DGCR2: variants seen among roughly 807,000 people sequenced by gnomAD.
DGCR2 encodes the protein integral membrane protein DGCR2/IDD.
DGCR2 carries 24 observed loss-of-function variants against 51.6 expected under a neutral mutation model. The observed-to-expected ratio is 0.47, with a 90% CI of 0.34 to 0.65. DGCR2 has a LOEUF of 0.65. Among genes scored for constraint, DGCR2 ranks in the 30% least tolerant of loss-of-function variants. DGCR2 has a pLI of 0.01. For synonymous variants in DGCR2, 340 were observed against 315.4 expected (o/e 1.08, Z -0.82); for missense variants, 765 against 772.1 (o/e 0.99, Z 0.11).
chr22:19,074,087 T>C (rs976596090), intron 2 of DGCR2, among the ~76,000 whole-genome samples: 3 of 152,172 alleles, frequency 2.0e-5, no homozygotes, highest in Admixed American at 2.0e-4. Flanking sequence ...TATATGAATC[T>C]ACAGGATTCA....
At chr22:19,061,292 CT>C (rs2082660558) in intron 5 of DGCR2, 1 of 153,266 alleles carries the variant, frequency 6.5e-6, no homozygotes, top group Non-Finnish European at 1.5e-5. Flanking sequence ...CTGCAGCTTG[CT>C]TTTGGTACAG....
chr22:19,074,562 ATC>A (rs2145985240), intron 2 of DGCR2, among the ~76,000 whole-genome samples: 1 of 152,312 alleles, frequency 6.6e-6, no homozygotes, highest in Admixed American at 6.5e-5. Context: ...TTAGGGAAGA[ATC>A]AGCAGAGAAT....
At chr22:19,051,709 G>A (rs2082550585) in intron 6 of DGCR2, among the ~76,000 whole-genome samples, 1 of 152,214 alleles carries the variant, frequency 6.6e-6, no homozygotes, top group Admixed American at 6.5e-5. Flanking sequence ...CTGGGTGACA[G>A]AGCAAGACCC....
chr22:19,069,617 T>C lies in DGCR2; in HGVS notation c.203-1392A>G, dbSNP rs531375847. ...ATAAACAGCTTTCTATATTTTTAAA[T>C]GGGCTTAGGAACATGACTTTTGATG... On this transcript the variant is annotated intron_variant, in intron 2 of 9. Transcript: ENST00000263196. 6.6e-5 allele frequency among the ~76,000 whole-genome samples: 10 copies of C among 152,356 alleles called. No individual in the cohort carries two copies. In the East Asian group the frequency reaches 1.9e-3, roughly 29 times the overall value.
At chr22:19,095,511 A>T (rs1197410487) in intron 1 of DGCR2, among the ~76,000 whole-genome samples, 1 of 151,832 alleles carries the variant, frequency 6.6e-6, no homozygotes, top group African/African-American at 2.4e-5. Context: ...AATACAAAAA[A>T]TTAGCCGGGC....
rs775512461 is a variant in DGCR2, at chr22:19,041,153, G to A, written c.1301C>T (p.Thr434Met). 4.3e-6 allele frequency: 7 copies of A among 1,614,110 alleles called. No individual in the cohort carries two copies. The East Asian group carries it at 6.7e-5, about 15-fold the overall frequency. The change falls in exon 9 of 10, where the codon ACG becomes ATG. Residue 434 changes from threonine to methionine, a missense_variant. Physicochemically the swap from Thr to Met is moderately conservative, Grantham distance 81. Around this residue, in one of 3 missense-constraint regions of DGCR2, gnomAD observed 205 missense variants for 181.4 expected, o/e 1.13. Coordinates refer to ENST00000263196, the MANE Select transcript of DGCR2 (RefSeq NM_005137.3). Reference protein sequence around the residue: ...FHFHDPPPPYTAYKYPDIGQP... With the variant: ...FHFHDPPPPYMAYKYPDIGQP... ...GCCGATGTCCGGGTACTTGTATGCC[G>A]TGTAGGGAGGTGGAGGGTCGTGGAA...
intron 1 of DGCR2, among the ~76,000 whole-genome samples, chr22:19,094,697 T>C (rs1435912155): frequency 1.3e-5 from 2 of 152,268 alleles, no homozygotes; most frequent in East Asian, 1.9e-4. Context: ...TTGTTCATAG[T>C]ACTTTTATTT....
intron 6 of DGCR2, among the ~76,000 whole-genome samples, chr22:19,054,587 A>G (rs1052696074): frequency 1.3e-5 from 2 of 152,170 alleles, no homozygotes; most frequent in African/African-American, 4.8e-5. Context: ...CTAATATAGT[A>G]TAATACAGAA....
At chr22:19,104,336 C>A (rs940202922) in intron 1 of DGCR2, among the ~76,000 whole-genome samples, 11 of 152,044 alleles carry the variant, frequency 7.2e-5, no homozygotes, top group African/African-American at 2.7e-4. Context: ...CAAATTCTTT[C>A]TCTAGATTCA....
chr22:19,051,653 G>T (rs937753441), intron 6 of DGCR2, among the ~76,000 whole-genome samples: 1 of 152,188 alleles, frequency 6.6e-6, no homozygotes, highest in Non-Finnish European at 1.5e-5. Context: ...CTGAGCCCGG[G>T]AGCTGGAGGT....
At chr22:19,111,891 C>T (rs918582915) in intron 1 of DGCR2, among the ~76,000 whole-genome samples, 4 of 145,216 alleles carry the variant, frequency 2.8e-5, no homozygotes, top group African/African-American at 1.0e-4. Context: ...GAAACTGAAA[C>T]TTAAAAAGTG....
intron 1 of DGCR2, among the ~76,000 whole-genome samples, chr22:19,101,254 A>T (rs2083198664): frequency 6.6e-6 from 1 of 152,236 alleles, no homozygotes; most frequent in African/African-American, 2.4e-5. Context: ...ACTCAAACAG[A>T]TGCTGGCACA....
rs887540907 is a variant in DGCR2, at chr22:19,038,733, G to A, written c.*132C>T. ...CGGGCTGTGGTCTCTATGTACACACGCGAGCCCGCCAGTGACGTGCGGCAG... is the reference window on the plus strand; with the variant it reads ...CGGGCTGTGGTCTCTATGTACACACACGAGCCCGCCAGTGACGTGCGGCAG... On this transcript the variant is annotated 3_prime_UTR_variant, in exon 10 of 10. Transcript: ENST00000263196. 1.3e-5 allele frequency: 17 copies of A among 1,276,354 alleles called. No homozygotes were observed. The highest frequency in any genetic ancestry group is 9.4e-5 in the Admixed American group (4 of 42,658). The allele number at this position is 1,276,354 out of a possible 1,614,324, so 79.1% of individuals were successfully genotyped here. A position where few individuals can be genotyped will look rare whatever the true frequency, so the allele number is the denominator to read the frequency against.
Position 19,122,159 on chromosome 22 carries a change from G to A in DGCR2, c.48C>T (p.Leu16=). The change falls in exon 1 of 10, where the codon CTC becomes CTT. Residue 16 remains leucine, a synonymous_variant. Coordinates refer to ENST00000263196, the MANE Select transcript of DGCR2 (RefSeq NM_005137.3). The part of the protein sequence containing the change: ...DSGAFLLLFL[L]VLTVTEPLRP... ...GCAGCGGCTCGGTGACAGTGAGCAC[G>A]AGCAGGAAGAGCAGCAGGAAGGCGC... is the stretch of plus-strand genomic sequence containing the variant. 3 of 1,510,670 alleles carry A rather than the reference G, an allele frequency of 2.0e-6. No homozygotes were observed. Among genetic ancestry groups the A allele is most frequent in the East Asian group, 5.8e-5 (2 of 34,572 alleles). The allele number at this position is 1,510,670 out of a possible 1,614,324, so 93.6% of individuals were successfully genotyped here.
chr22:19,082,971 T>C (rs1377282762), intron 2 of DGCR2, among the ~76,000 whole-genome samples: 1 of 150,238 alleles, frequency 6.7e-6, no homozygotes, highest in Non-Finnish European at 1.5e-5. Context: ...CTTGTAGTCC[T>C]AGCTACTCCG....
chr22:19,051,270 T>C (rs1163039526), intron 6 of DGCR2, among the ~76,000 whole-genome samples: 1 of 151,650 alleles, frequency 6.6e-6, no homozygotes, highest in South Asian at 2.1e-4. Context: ...ACTTTTGTTC[T>C]TTGGGTAAAC....
At chr22:19,053,575 G>T (rs1178237818) in intron 6 of DGCR2, among the ~76,000 whole-genome samples, 6 of 152,106 alleles carry the variant, frequency 3.9e-5, no homozygotes, top group South Asian at 2.1e-4. Context: ...CACAAGAAAG[G>T]CCTAGTGGAA....
chr22:19,082,268 G>A (rs982505855), intron 2 of DGCR2, among the ~76,000 whole-genome samples: 17 of 123,528 alleles, frequency 1.4e-4, no homozygotes, highest in Admixed American at 1.3e-3. Context: ...ATTTCACCAC[G>A]TTGCCCTGGC....
At chr22:19,077,010 C>T (rs764610860) in intron 2 of DGCR2, among the ~76,000 whole-genome samples, 1 of 151,550 alleles carries the variant, frequency 6.6e-6, no homozygotes, top group Non-Finnish European at 1.5e-5. Flanking sequence ...AGGCGTGAGC[C>T]GCCGCACCCA....
Sources: gnomAD v4.1 joint callset for allele counts (sites outside exome capture counted in the v4.1 genomes callset) on GRCh38, gnomAD v4.1.1 for gene constraint, gnomAD v4.1.1 regional missense constraint, MANE v1.5 for transcripts, NCBI Gene and HGNC (gene_info 2026-07-23, HGNC 2026-07-21) for gene names.